Variants in RASA3 observed in about 807,000 individuals in gnomAD.
RASA3 encodes RAS p21 protein activator 3.
Under a neutral mutation model 110.0 loss-of-function variants are expected in RASA3, and 73 were observed. That is an observed-to-expected ratio of 0.66 (90% CI 0.55 to 0.81). RASA3 has a LOEUF of 0.81. Among genes scored for constraint, RASA3 ranks in the 30% least tolerant of loss-of-function variants. The pLI is 0.00. For synonymous variants in RASA3, 500 were observed against 451.4 expected, an observed-to-expected ratio of 1.11 and a Z score of -1.37; for missense variants, 976 against 1,113.2, an observed-to-expected ratio of 0.88 and a Z score of 1.75.
At chr13:114,010,577 TG>T (rs2053608949) in intron 16 of RASA3, among the ~76,000 whole-genome samples, 1 of 119,930 alleles carries the variant, frequency 8.3e-6, no homozygotes, top group Admixed American at 8.5e-5. Flanking sequence ...AGAGGGGCCC[TG>T]GGAGGAGGGG....
chr13:113,995,309 T>C (rs1220364920), intron 21 of RASA3, among the ~76,000 whole-genome samples: 1 of 152,204 alleles, frequency 6.6e-6, no homozygotes, highest in Non-Finnish European at 1.5e-5. Flanking sequence ...TCTGGGGCGG[T>C]GGCCACGCAT....
intron 8 of RASA3, 122 bp downstream of exon 8, chr13:114,024,157 A>T: frequency 9.4e-7 from 1 of 1,065,794 alleles, no homozygotes; most frequent in Non-Finnish European, 1.4e-6. Flanking sequence ...TGTTGTGAAA[A>T]TTACCAAGAA....
chr13:114,017,676 G>A (rs1023398649), intron 11 of RASA3, among the ~76,000 whole-genome samples: 3 of 152,220 alleles, frequency 2.0e-5, no homozygotes, highest in Admixed American at 1.3e-4. Context: ...CCAGACCCTG[G>A]CAGCATCCAA....
intron 4 of RASA3, among the ~76,000 whole-genome samples, chr13:114,040,023 G>A (rs927404871): frequency 6.6e-6 from 1 of 152,256 alleles, no homozygotes; most frequent in African/African-American, 2.4e-5. Context: ...GTCCCTGAGG[G>A]CTGACCCTGG....
chr13:114,087,948 A>G (rs2079843002), intron 1 of RASA3, among the ~76,000 whole-genome samples: 2 of 152,166 alleles, frequency 1.3e-5, no homozygotes, highest in Admixed American at 6.6e-5. Flanking sequence ...TGGCCAACAT[A>G]GCGAAACCTC....
chr13:114,089,997 A>C (rs2079871152), intron 1 of RASA3, among the ~76,000 whole-genome samples: 1 of 152,188 alleles, frequency 6.6e-6, no homozygotes, highest in Non-Finnish European at 1.5e-5. Flanking sequence ...CTTCCTGGCC[A>C]GATGATATTT....
intron 1 of RASA3, among the ~76,000 whole-genome samples, chr13:114,079,659 C>G (rs1196758505): frequency 6.6e-6 from 1 of 152,240 alleles, no homozygotes; most frequent in Non-Finnish European, 1.5e-5. Context: ...CCTCCAGGCC[C>G]TGGCAGGGTC....
chr13:114,128,024 C>CGGAGCCCCTGCT (rs1478978907), intron 1 of RASA3, among the ~76,000 whole-genome samples: 6 of 152,258 alleles, frequency 3.9e-5, no homozygotes, highest in Non-Finnish European at 8.8e-5. Flanking sequence ...CTGCCCCTGC[C>CGGAGCCCCTGCT]GGAGCCCCTG....
chr13:114,053,678 GA>G (rs1182058610), intron 2 of RASA3, among the ~76,000 whole-genome samples: 1 of 152,180 alleles, frequency 6.6e-6, no homozygotes, highest in African/African-American at 2.4e-5. Context: ...TAGCCTCTCA[GA>G]AGAAAATGAG....
At chr13:113,999,010 G>A (rs1248924743) in intron 20 of RASA3, among the ~76,000 whole-genome samples, 2 of 152,226 alleles carry the variant, frequency 1.3e-5, no homozygotes, top group African/African-American at 2.4e-5. Context: ...AGAAAAGCAC[G>A]GGCGGGACCG....
At chr13:114,126,774 A>G (rs2080456309) in intron 1 of RASA3, among the ~76,000 whole-genome samples, 1 of 152,260 alleles carries the variant, frequency 6.6e-6, no homozygotes, top group Admixed American at 6.5e-5. Flanking sequence ...TCTAAGTCCC[A>G]TTAATCTCTG....
chr13:114,128,234 C>T (rs918967320), intron 1 of RASA3, among the ~76,000 whole-genome samples: 1 of 152,264 alleles, frequency 6.6e-6, no homozygotes, highest in Non-Finnish European at 1.5e-5. Flanking sequence ...AAAGCCACGG[C>T]GTGGCCAGTA....
At chr13:114,049,230 C>T (rs2079103878) in intron 3 of RASA3, among the ~76,000 whole-genome samples, 1 of 152,096 alleles carries the variant, frequency 6.6e-6, no homozygotes, top group Non-Finnish European at 1.5e-5. Context: ...GTGGCCACCG[C>T]GCACTTCCAC....
chr13:114,051,573 T>C (rs2079147046), intron 3 of RASA3, among the ~76,000 whole-genome samples: 1 of 152,050 alleles, frequency 6.6e-6, no homozygotes, highest in Admixed American at 6.5e-5. Flanking sequence ...ACACACCATC[T>C]CCTGGAAGTA....
Position 114,056,075 on chromosome 13 carries a change from C to T in RASA3, c.174-3920G>A, listed in dbSNP as rs552925878. Among the ~76,000 whole-genome samples, 130 of 152,292 alleles carry T rather than the reference C, an allele frequency of 8.5e-4. No individual in the cohort carries two copies. Among genetic ancestry groups the T allele is most frequent in the Non-Finnish European group, 1.4e-3 (97 of 68,020 alleles). On this transcript the variant is annotated intron_variant, in intron 2 of 23. Transcript: ENST00000334062. This position sits in a 1 kb window ranked among gnomAD's most constrained non-coding sequence, Gnocchi z 5.7. ...CCTCGGGGTTCACCTGGCGCGTCAC[C>T]GTTTCCCGAGAGCCCCCCGCCCCCG... is the stretch of plus-strand genomic sequence containing the variant.
intron 3 of RASA3, among the ~76,000 whole-genome samples, chr13:114,041,505 T>C (rs891249192): frequency 2.0e-5 from 3 of 152,270 alleles, no homozygotes; most frequent in Admixed American, 6.5e-5. Context: ...ACTTTCACTG[T>C]GGTCCGTGGC....
intron 22 of RASA3, 93 bp downstream of exon 22, chr13:113,992,392 G>T: frequency 1.0e-6 from 1 of 985,706 alleles, no homozygotes; most frequent in Non-Finnish European, 1.6e-6. Flanking sequence ...CAGAGGCTCA[G>T]ACCACAGGTT....
chr13:114,127,262 C>T (rs540751257), intron 1 of RASA3, among the ~76,000 whole-genome samples: 1 of 152,232 alleles, frequency 6.6e-6, no homozygotes, highest in Non-Finnish European at 1.5e-5. Context: ...GATTCCCTTC[C>T]AGGAATGACG....
chr13:114,023,296 T>G (rs12871799), intron 8 of RASA3, among the ~76,000 whole-genome samples: 7 of 148,766 alleles, frequency 4.7e-5, no homozygotes, highest in South Asian at 2.2e-4. Context: ...ATCCCAGGCT[T>G]GGGGGCATCC....
Sources: gnomAD v4.1 joint callset for allele counts (sites outside exome capture counted in the v4.1 genomes callset) on GRCh38, gnomAD v4.1.1 for gene constraint, Gnocchi (gnomAD v3.1) non-coding constraint, MANE v1.5 for transcripts, NCBI Gene and HGNC (gene_info 2026-07-23, HGNC 2026-07-21) for gene names.